The following THSD7B variants were observed in gnomAD, a reference collection of about 807,000 sequenced individuals.
THSD7B encodes thrombospondin type-1 domain-containing protein 7B.
A neutral mutation model predicts 213.6 loss-of-function variants in THSD7B; 138 were observed. The ratio of observed to expected loss-of-function variants is 0.65; its 90% CI spans 0.56 to 0.74. THSD7B has a LOEUF of 0.74. Ranked by LOEUF, THSD7B falls within the 30% of genes least tolerant of loss-of-function variation. The pLI, the probability that THSD7B is intolerant of heterozygous loss-of-function variation, is 0.00. For missense variants in THSD7B, 1,931 were observed against 1,991.5 expected, an observed-to-expected ratio of 0.97 and a Z score of 0.58; for synonymous variants, 742 against 687.0, an observed-to-expected ratio of 1.08 and a Z score of -1.25.
chr2:137,267,990 T>C (rs1386565684), intron 10 of THSD7B, among the ~76,000 whole-genome samples: 1 of 152,170 alleles, frequency 6.6e-6, no homozygotes, highest in Non-Finnish European at 1.5e-5. Context: ...AACCATGATA[T>C]TGGGGGCTGC....
chr2:137,039,960 G>T (rs748783660), intron 2 of THSD7B, among the ~76,000 whole-genome samples: 47 of 152,140 alleles, frequency 3.1e-4, no homozygotes, highest in Non-Finnish European at 6.5e-4. Flanking sequence ...TTGGTTTTCT[G>T]GTTGTAGCTG....
chr2:137,481,986 G>C (rs139969332), intron 15 of THSD7B, among the ~76,000 whole-genome samples: 23 of 152,228 alleles, frequency 1.5e-4, no homozygotes, highest in African/African-American at 5.1e-4. Context: ...GACCATCCCG[G>C]CTAATACGGT....
intron 14 of THSD7B, among the ~76,000 whole-genome samples, chr2:137,412,356 T>C (rs771918457): frequency 6.6e-6 from 1 of 151,732 alleles, no homozygotes; most frequent in Non-Finnish European, 1.5e-5. Context: ...ATCCCAGCAC[T>C]TTGAGAGGCC....
chr2:137,495,390 T>C (rs1008167979), intron 15 of THSD7B, among the ~76,000 whole-genome samples: 1 of 152,114 alleles, frequency 6.6e-6, no homozygotes, highest in African/African-American at 2.4e-5. Flanking sequence ...CTTGTTGGTA[T>C]TGGCAGAAAA....
chr2:136,811,014 A>G (rs576312705), intron 1 of THSD7B, among the ~76,000 whole-genome samples: 302 of 152,252 alleles, frequency 2.0e-3, no homozygotes, highest in African/African-American at 7.1e-3. Context: ...GCGTGAATGG[A>G]ACCCAACTTG....
chr2:137,164,573 A>G (rs1051077098), intron 6 of THSD7B, among the ~76,000 whole-genome samples: 9 of 152,220 alleles, frequency 5.9e-5, no homozygotes, highest in Admixed American at 2.0e-4. Flanking sequence ...ATAAAGACCC[A>G]TGCACACATA....
intron 4 of THSD7B, among the ~76,000 whole-genome samples, chr2:137,104,196 T>A (rs1294555697): frequency 6.6e-6 from 1 of 152,146 alleles, no homozygotes; most frequent in African/African-American, 2.4e-5. Flanking sequence ...CAGACCACAG[T>A]GCAATCAAAT....
At chr2:136,807,062 T>G (rs1476156004) in intron 1 of THSD7B, among the ~76,000 whole-genome samples, 1 of 152,238 alleles carries the variant, frequency 6.6e-6, no homozygotes, top group African/African-American at 2.4e-5. Flanking sequence ...TCATCACTAT[T>G]GATGTTAACC....
chr2:136,903,808 C>T (rs774796282), intron 2 of THSD7B, among the ~76,000 whole-genome samples: 36 of 152,098 alleles, frequency 2.4e-4, no homozygotes, highest in Admixed American at 2.2e-3. Context: ...ATGAGATTTC[C>T]GTGGACTCCC....
chr2:137,556,950 A>G (rs1314590996), intron 15 of THSD7B, among the ~76,000 whole-genome samples: 1 of 152,194 alleles, frequency 6.6e-6, no homozygotes, highest in East Asian at 1.9e-4. Flanking sequence ...AAAGAAGGCC[A>G]TTACATAATG....
At chr2:137,068,499 G>A (rs1687420876) in intron 3 of THSD7B, among the ~76,000 whole-genome samples, 1 of 152,024 alleles carries the variant, frequency 6.6e-6, no homozygotes, top group Non-Finnish European at 1.5e-5. Flanking sequence ...AGTTGACATT[G>A]CTGTCTCATT....
chr2:136,825,284 A>G (rs1682627367), intron 1 of THSD7B, among the ~76,000 whole-genome samples: 5 of 152,314 alleles, frequency 3.3e-5, no homozygotes, highest in Middle Eastern at 6.8e-3. Context: ...CAAATTTATT[A>G]TCTTATAGGT....
At chr2:137,032,066 C>T (rs1222963878) in intron 2 of THSD7B, among the ~76,000 whole-genome samples, 2 of 151,840 alleles carry the variant, frequency 1.3e-5, no homozygotes, top group Non-Finnish European at 2.9e-5. Flanking sequence ...GTCTCAAACT[C>T]CTAAGCTCAA....
At chr2:137,219,232 G>A (rs1038165838) in intron 7 of THSD7B, among the ~76,000 whole-genome samples, 4 of 152,106 alleles carry the variant, frequency 2.6e-5, no homozygotes, top group Non-Finnish European at 1.5e-5. Flanking sequence ...CATGGGAAAA[G>A]ACATCAAGAA....
In THSD7B at chr2:137,664,568, C is replaced by A. The variant is rs140903968; in HGVS notation, c.4651+993C>A. Among the ~76,000 whole-genome samples the A allele has an allele frequency of 1.2e-3, 187 of 152,286 alleles. 3 individuals are homozygous for A. In the South Asian group the frequency reaches 0.025, roughly 21 times the overall value. Reference sequence around the variant, plus strand: ...TGTGTGTCCTGTGGCTCTGTGCTGGCTGGTTGTACAGCATGAAATGTCTCA... The same window carrying A: ...TGTGTGTCCTGTGGCTCTGTGCTGGATGGTTGTACAGCATGAAATGTCTCA... On this transcript the variant is annotated intron_variant, in intron 26 of 27. Coordinates refer to ENST00000409968, the MANE Select transcript of THSD7B (RefSeq NM_001316349.2).
intron 7 of THSD7B, among the ~76,000 whole-genome samples, chr2:137,200,279 T>G (rs1213872173): frequency 6.6e-6 from 1 of 152,118 alleles, no homozygotes; most frequent in Non-Finnish European, 1.5e-5. Flanking sequence ...GTGTCAGTGC[T>G]TCTGGAATTA....
chr2:137,390,284 G>T (rs184254891), intron 12 of THSD7B, among the ~76,000 whole-genome samples: 101 of 151,930 alleles, frequency 6.6e-4, no homozygotes, highest in African/African-American at 2.4e-3. Flanking sequence ...TTTATTTTTA[G>T]ATTTTTTTTG....
chr2:137,110,840 G>C (rs1215517106), intron 4 of THSD7B, among the ~76,000 whole-genome samples: 1 of 152,112 alleles, frequency 6.6e-6, no homozygotes, highest in African/African-American at 2.4e-5. Context: ...TATTTTTACT[G>C]TACCTTGTTT....
At chr2:136,791,294 T>A (rs1188473103) in intron 1 of THSD7B, among the ~76,000 whole-genome samples, 1 of 151,834 alleles carries the variant, frequency 6.6e-6, no homozygotes, top group Non-Finnish European at 1.5e-5. Flanking sequence ...TATGCAACCA[T>A]CTCCACAACC....
Sources: gnomAD v4.1 joint callset for allele counts (sites outside exome capture counted in the v4.1 genomes callset) on GRCh38, gnomAD v4.1.1 for gene constraint, MANE v1.5 for transcripts, NCBI Gene and HGNC (gene_info 2026-07-23, HGNC 2026-07-21) for gene names.